The following TMEM156 variants were observed in gnomAD, a reference collection of about 807,000 sequenced individuals.
TMEM156 encodes transmembrane protein 156.
A neutral mutation model predicts 30.5 loss-of-function variants in TMEM156; 28 were observed. The ratio of observed to expected loss-of-function variants is 0.92; its 90% confidence interval spans 0.68 to 1.26. The LOEUF (loss-of-function observed/expected upper bound fraction) is 1.26, where lower values mean the gene tolerates loss of function less well. Ranked by LOEUF, TMEM156 falls within the 50% of genes most tolerant of loss-of-function variation. The pLI is 0.00. For missense variants in TMEM156, 351 were observed against 340.6 expected (o/e 1.03, Z -0.24); for synonymous variants, 137 against 119.9 (o/e 1.14, Z -0.93).
intron 5 of TMEM156, among the ~76,000 whole-genome samples, chr4:38,971,948 C>G (rs2074836564): frequency 1.3e-5 from 2 of 151,974 alleles, no homozygotes; most frequent in South Asian, 4.2e-4. Context: ...CACCACCATG[C>G]CCGGCTAATT....
At chr4:38,968,866 A>T (rs1032671514) in intron 6 of TMEM156, among the ~76,000 whole-genome samples, 38 of 151,964 alleles carry the variant, frequency 2.5e-4, no homozygotes, top group African/African-American at 3.4e-4. Flanking sequence ...TTTCCACCCT[A>T]CTTGGTGCCC....
chr4:39,006,270 A>T (rs1218292748), intron 1 of TMEM156, among the ~76,000 whole-genome samples: 2 of 152,070 alleles, frequency 1.3e-5, no homozygotes, highest in Admixed American at 6.6e-5. Flanking sequence ...ATAGAATCTC[A>T]TCATGGTTTT....
intron 5 of TMEM156, among the ~76,000 whole-genome samples, chr4:38,978,109 A>G (rs1368112464): frequency 1.3e-5 from 2 of 152,062 alleles, no homozygotes; most frequent in Admixed American, 1.3e-4. Flanking sequence ...TCCATCTCCC[A>G]CCATGAAAGC....
chr4:39,011,370 C>T (rs1364607448), intron 1 of TMEM156, among the ~76,000 whole-genome samples: 1 of 152,216 alleles, frequency 6.6e-6, no homozygotes, highest in East Asian at 1.9e-4. Flanking sequence ...ATAGAATTGT[C>T]ATTTGACCGA....
At chr4:38,981,574 T>A (rs1022560493) in intron 5 of TMEM156, among the ~76,000 whole-genome samples, 1 of 152,170 alleles carries the variant, frequency 6.6e-6, no homozygotes, top group Non-Finnish European at 1.5e-5. Context: ...ACTATTGACA[T>A]TACATGGCGT....
At chr4:38,970,997 A>T in intron 6 of TMEM156, 35 bp downstream of exon 6, 1 of 1,340,198 alleles carries the variant, frequency 7.5e-7, no homozygotes, top group Admixed American at 1.8e-5. Flanking sequence ...CTGTGTTTAT[A>T]ATGAAGAAGT....
At chr4:38,990,835 T>TTTTTTTTTTTTTTGTTTTG (rs1712386471) in intron 3 of TMEM156, among the ~76,000 whole-genome samples, 1 of 126,242 alleles carries the variant, frequency 7.9e-6, no homozygotes, top group Admixed American at 8.1e-5. Context: ...TTCTGGTTTT[T>TTTTTTTTTTTTTTGTTTTG]TTTTTTTTTT....
rs1306426204 is a variant in TMEM156 at position 38,988,905 on chromosome 4, T to C, written c.685A>G (p.Ile229Val). The C allele has an allele frequency of 6.2e-7, 1 of 1,613,928 alleles. No homozygotes were observed. The highest frequency in any genetic ancestry group is 1.7e-5 in the Admixed American group (1 of 60,012). ...TCAAGTATTTTGCGGATAGTGAGGATGATCAAAAATATAAAAACTAATAGA... is the reference window on the plus strand; with the variant it reads ...TCAAGTATTTTGCGGATAGTGAGGACGATCAAAAATATAAAAACTAATAGA... ...LVLLVFIFLI[I>V]LTIRKILEGQ... Residue 229 changes from isoleucine to valine, a missense_variant, in exon 4 of 7, where the codon ATC becomes GTC. Coordinates refer to ENST00000381938, the MANE Select transcript of TMEM156 (RefSeq NM_024943.3).
chr4:38,996,449 G>A (rs1194958279), intron 2 of TMEM156, among the ~76,000 whole-genome samples: 2 of 151,748 alleles, frequency 1.3e-5, no homozygotes, highest in Non-Finnish European at 2.9e-5. Context: ...GCAGGCGTCT[G>A]TAATCCCAGC....
rs773003572 is a variant in TMEM156 at position 38,971,075 on chromosome 4, G to A, written c.886C>T (p.Leu296=). 6.2e-7 allele frequency: 1 copy of A among 1,613,878 alleles called. No homozygotes were observed. The highest frequency in any genetic ancestry group is 8.5e-7 in the Non-Finnish European group (1 of 1,179,820). ...TGATGCACTGTGGAAGTAACTTATA[G>A]TTCTGGAATTGGGGGAAGCACTTCC... The part of the protein sequence containing the change: ...VQEVLPPIPE[L] The change falls in exon 6 of 7, where the codon CTA becomes TTA. Residue 296 remains leucine (L), a synonymous_variant. Transcript: ENST00000381938.
At chr4:38,990,835 T>TTTTTTGTTTTGTTTTG (rs1560365315) in intron 3 of TMEM156, among the ~76,000 whole-genome samples, 3 of 126,242 alleles carry the variant, frequency 2.4e-5, no homozygotes, top group African/African-American at 8.8e-5. Context: ...TTCTGGTTTT[T>TTTTTTGTTTTGTTTTG]TTTTTTTTTT....
chr4:38,998,634 G>A lies in TMEM156; in HGVS notation c.358+6C>T. 6.2e-7 allele frequency: 1 copy of A among 1,605,788 alleles called. No individual in the cohort carries two copies. The highest frequency in any genetic ancestry group is 8.5e-7 in the Non-Finnish European group (1 of 1,175,410). ...CATTTTATTCTCACCTTCACTTTGTGTTTACCTTTTGATGTTTGTTCCTGA... is the reference window on the plus strand; with the variant it reads ...CATTTTATTCTCACCTTCACTTTGTATTTACCTTTTGATGTTTGTTCCTGA... On this transcript the variant is annotated splice_donor_region_variant and intron_variant, in intron 2 of 6. Transcript: ENST00000381938.
chr4:39,007,927 T>A (rs1713853289), intron 1 of TMEM156, among the ~76,000 whole-genome samples: 1 of 152,158 alleles, frequency 6.6e-6, no homozygotes, highest in Non-Finnish European at 1.5e-5. Flanking sequence ...AGGAAATATG[T>A]TTTCTGTCTG....
intron 3 of TMEM156, among the ~76,000 whole-genome samples, chr4:38,991,128 C>T (rs765534297): frequency 9.3e-5 from 14 of 150,628 alleles, no homozygotes; most frequent in Admixed American, 2.6e-4. Context: ...ACCCACCTCG[C>T]CCAGTTAAGA....
At chr4:39,022,385 G>A (rs1485443025) in intron 1 of TMEM156, among the ~76,000 whole-genome samples, 3 of 152,090 alleles carry the variant, frequency 2.0e-5, no homozygotes, top group Non-Finnish European at 4.4e-5. Context: ...TTTGCCTTCT[G>A]TCTCCTGACG....
At chr4:38,979,443 G>A (rs924742287) in intron 5 of TMEM156, among the ~76,000 whole-genome samples, 1 of 152,226 alleles carries the variant, frequency 6.6e-6, no homozygotes, top group African/African-American at 2.4e-5. Context: ...AAAATGAGAT[G>A]AGAACTGTGA....
rs79398285 is a variant in TMEM156 at position 39,015,914 on chromosome 4, C to T, written c.88+16312G>A. Among the ~76,000 whole-genome samples, 764 of 152,216 alleles carry T rather than the reference C, an allele frequency of 5.0e-3. 8 individuals carry two copies. The highest frequency in any genetic ancestry group is 0.017 in the African/African-American group (709 of 41,538). On this transcript the variant is annotated intron_variant, in intron 1 of 6. Transcript: ENST00000381938. ...CCTGCCACCAAGTACAAAGTCCTTCCGCCTTCCACCATGATTATGAGGCCT... is the reference window on the plus strand; with the variant it reads ...CCTGCCACCAAGTACAAAGTCCTTCTGCCTTCCACCATGATTATGAGGCCT...
intron 3 of TMEM156, among the ~76,000 whole-genome samples, chr4:38,989,951 G>A (rs1235844926): frequency 2.6e-5 from 4 of 151,932 alleles, no homozygotes; most frequent in South Asian, 2.1e-4. Flanking sequence ...TCACCACCAC[G>A]CCCGGCTAAT....
chr4:39,002,300 C>G (rs896833426), intron 1 of TMEM156, among the ~76,000 whole-genome samples: 27 of 152,136 alleles, frequency 1.8e-4, no homozygotes, highest in African/African-American at 2.9e-4. Context: ...CCATCAATGG[C>G]CATCAGAGAA....
Sources: gnomAD v4.1 joint callset for allele counts (sites outside exome capture counted in the v4.1 genomes callset) on GRCh38, gnomAD v4.1.1 for gene constraint, MANE v1.5 for transcripts, NCBI Gene and HGNC (gene_info 2026-07-23, HGNC 2026-07-21) for gene names.